Variants in PHKB observed in about 807,000 individuals in gnomAD.
The protein encoded by PHKB is phosphorylase kinase regulatory subunit beta.
In PHKB, 122 loss-of-function variants were observed where a neutral mutation model predicts 152.1. That is an observed-to-expected ratio of 0.80 (90% CI 0.69 to 0.93). The LOEUF (loss-of-function observed/expected upper bound fraction) is 0.93, where lower values mean the gene tolerates loss of function less well. Among genes scored for constraint, PHKB ranks in the 40% least tolerant of loss-of-function variants. PHKB has a pLI of 0.00. For missense variants in PHKB, 1,304 were observed against 1,328.4 expected (o/e 0.98, Z 0.29); for synonymous variants, 436 against 464.9 (o/e 0.94, Z 0.80).
At chr16:47,609,573 G>T (rs1972389752) in intron 13 of PHKB, among the ~76,000 whole-genome samples, 1 of 151,790 alleles carries the variant, frequency 6.6e-6, no homozygotes, top group South Asian at 2.1e-4. Context: ...GTGTGTGTGT[G>T]TGTGTAAAGT....
At chr16:47,555,739 G>A (rs1971357027) in intron 7 of PHKB, among the ~76,000 whole-genome samples, 1 of 152,190 alleles carries the variant, frequency 6.6e-6, no homozygotes, top group Non-Finnish European at 1.5e-5. Flanking sequence ...GTTGGCTTAG[G>A]ATTGACTTGG....
Position 47,499,859 on chromosome 16 carries a change from C to T in PHKB, c.270C>T (p.Cys90=), listed in dbSNP as rs139431568. The T allele has an allele frequency of 1.2e-3, 1,926 of 1,614,146 alleles. 2 individuals are homozygous for T. The highest frequency in any genetic ancestry group is 2.0e-3 in the Admixed American group (120 of 60,018). Residue 90 remains cysteine, a synonymous_variant, in exon 3 of 31, where the codon TGC becomes TGT. Coordinates refer to ENST00000323584, the MANE Select transcript of PHKB (RefSeq NM_000293.3). The part of the protein sequence containing the change: ...QKAKIQDSLY[C]AAGAWALALA... ...CCAAGATCCAGGACAGCCTATACTG[C>T]GCTGCTGGGGCCTGGGCTTTGGCTC...
At chr16:47,693,958 G>A (rs556930875) in intron 28 of PHKB, among the ~76,000 whole-genome samples, 1 of 152,314 alleles carries the variant, frequency 6.6e-6, no homozygotes, top group East Asian at 1.9e-4. Flanking sequence ...CCCAAGTGGT[G>A]GTGGGTCAGT....
chr16:47,667,559 T>C (rs1018295488), intron 25 of PHKB, among the ~76,000 whole-genome samples: 1 of 152,192 alleles, frequency 6.6e-6, no homozygotes, highest in African/African-American at 2.4e-5. Context: ...CAGACCAAAA[T>C]ACAGGAAGTA....
intron 7 of PHKB, among the ~76,000 whole-genome samples, chr16:47,556,622 C>A (rs979959945): frequency 5.9e-5 from 9 of 152,196 alleles, no homozygotes; most frequent in African/African-American, 2.2e-4. Flanking sequence ...ATGAAGCCCA[C>A]TTGATCATGG....
At chr16:47,678,619 T>C (rs1399490313) in intron 26 of PHKB, among the ~76,000 whole-genome samples, 1 of 151,934 alleles carries the variant, frequency 6.6e-6, no homozygotes, top group Non-Finnish European at 1.5e-5. Context: ...ATGGGGTTGT[T>C]TGTTTTTTTC....
intron 6 of PHKB, among the ~76,000 whole-genome samples, chr16:47,543,390 G>A (rs1449851423): frequency 6.6e-6 from 1 of 152,150 alleles, no homozygotes; most frequent in Non-Finnish European, 1.5e-5. Context: ...ATGTGCTGCT[G>A]GATTCAATTT....
intron 13 of PHKB, among the ~76,000 whole-genome samples, chr16:47,608,371 C>A (rs2151707962): frequency 6.6e-6 from 1 of 152,284 alleles, no homozygotes; most frequent in Non-Finnish European, 1.5e-5. Flanking sequence ...AGGAAAAGGT[C>A]CAGCTTCATT....
intron 26 of PHKB, among the ~76,000 whole-genome samples, chr16:47,683,707 C>G (rs1380988103): frequency 1.3e-5 from 2 of 152,334 alleles, no homozygotes; most frequent in South Asian, 4.1e-4. Context: ...ACCCCTTGTG[C>G]TTCTCAAGTG....
chr16:47,635,461 G>A (rs759414848), intron 14 of PHKB, among the ~76,000 whole-genome samples: 58 of 152,146 alleles, frequency 3.8e-4, no homozygotes, highest in Non-Finnish European at 6.5e-4. Flanking sequence ...TATGGGGTTT[G>A]AAGGAAAAAG....
At position 47,499,794 on chromosome 16, in the gene PHKB, G is replaced by A. The variant is rs761464946; in HGVS notation, c.205G>A (p.Gly69Ser). Residue 69 changes from glycine (G) to serine (S), a missense_variant, in exon 3 of 31, where the codon GGT becomes AGT. By Grantham distance (56) the Gly-to-Ser change is moderately conservative (BLOSUM62 0). Transcript: ENST00000323584. ...GCTGCTGTATCAAAGTCCAACTACC[G>A]GTCTCTTTCCCACTAAAACATGCGG... ...TLLLYQSPTT[G>S]LFPTKTCGGD... 21 of 1,614,102 alleles carry A rather than the reference G, an allele frequency of 1.3e-5. No individual in the cohort carries two copies. The highest frequency in any genetic ancestry group is 8.9e-5 in the East Asian group (4 of 44,882).
At chr16:47,508,326 A>C (rs964596127) in intron 4 of PHKB, among the ~76,000 whole-genome samples, 3 of 152,112 alleles carry the variant, frequency 2.0e-5, no homozygotes, top group African/African-American at 7.2e-5. Flanking sequence ...GTCTTTTATA[A>C]TTCTGCCTAC....
intron 5 of PHKB, among the ~76,000 whole-genome samples, chr16:47,513,440 C>A (rs926925124): frequency 6.6e-6 from 1 of 152,168 alleles, no homozygotes; most frequent in Non-Finnish European, 1.5e-5. Context: ...TCTAAAAAAC[C>A]TAAAAGATGC....
chr16:47,557,825 G>A (rs1483066343), intron 7 of PHKB, among the ~76,000 whole-genome samples: 1 of 152,114 alleles, frequency 6.6e-6, no homozygotes, highest in East Asian at 1.9e-4. Flanking sequence ...AGTCAGTGTG[G>A]CGATTCCTCA....
rs1014916190 is a variant in PHKB at position 47,540,703 on chromosome 16, C to T, written c.595-6730C>T. Among the ~76,000 whole-genome samples the T allele has an allele frequency of 3.3e-5, 5 of 151,792 alleles. No homozygotes were observed. In the East Asian group the frequency reaches 9.7e-4, roughly 29 times the overall value. On this transcript the variant is annotated intron_variant, in intron 6 of 30. Transcript: ENST00000323584. ...CCAATAAAATACTGGGGACAGGTTC[C>T]CCCGAGAAATAATCACACGTATTTC...
At chr16:47,619,692 G>A (rs571919319) in intron 14 of PHKB, among the ~76,000 whole-genome samples, 6 of 152,266 alleles carry the variant, frequency 3.9e-5, no homozygotes, top group African/African-American at 9.6e-5. Context: ...TGATACCTTC[G>A]TTGTTCATAC....
At chr16:47,512,562 A>G (rs1460463731) in intron 5 of PHKB, among the ~76,000 whole-genome samples, 2 of 152,210 alleles carry the variant, frequency 1.3e-5, no homozygotes, top group East Asian at 3.8e-4. Context: ...AAAACATGCC[A>G]CTGAAATGTA....
At chr16:47,581,722 C>T (rs1422598519) in intron 8 of PHKB, among the ~76,000 whole-genome samples, 5 of 152,300 alleles carry the variant, frequency 3.3e-5, no homozygotes, top group African/African-American at 1.2e-4. Context: ...TCTTGTCTCC[C>T]AGGCTGGAGT....
chr16:47,555,293 T>C (rs1357444314), intron 7 of PHKB, among the ~76,000 whole-genome samples: 1 of 152,256 alleles, frequency 6.6e-6, no homozygotes, highest in African/African-American at 2.4e-5. Flanking sequence ...TACTGTGAAG[T>C]CCTTGTTCTT....
Sources: allele counts gnomAD v4.1 joint callset (sites outside exome capture counted in the v4.1 genomes callset), GRCh38; gene constraint gnomAD v4.1.1; transcripts MANE v1.5; gene names NCBI Gene and HGNC (gene_info 2026-07-23, HGNC 2026-07-21).